Variants in ARHGEF3 observed in about 807,000 individuals in gnomAD.
ARHGEF3 encodes 59.8 kDA protein.
In ARHGEF3, 28 loss-of-function variants were observed where a neutral mutation model predicts 63.2. That is an observed-to-expected ratio of 0.44 (90% CI 0.33 to 0.61). The LOEUF (loss-of-function observed/expected upper bound fraction) is 0.61. Ranked by LOEUF, ARHGEF3 falls within the 20% of genes least tolerant of loss-of-function variation. The probability of loss-of-function intolerance (pLI) is 0.03; values close to 1 mark genes in which losing one functional copy is unlikely to be tolerated. For synonymous variants in ARHGEF3, 266 were observed against 254.2 expected (o/e 1.05, Z -0.44); for missense variants, 533 against 659.3 (o/e 0.81, Z 2.10).
At chr3:56,739,319 G>A (rs1402604201) in intron 7 of ARHGEF3, among the ~76,000 whole-genome samples, 8 of 151,680 alleles carry the variant, frequency 5.3e-5, no homozygotes, top group Non-Finnish European at 8.8e-5. Context: ...GAGCCTTTGC[G>A]CAGTCAGAAG....
chr3:56,993,550 T>A (rs2106964282), intron 2 of ARHGEF3, among the ~76,000 whole-genome samples: 2 of 151,838 alleles, frequency 1.3e-5, no homozygotes, highest in Middle Eastern at 3.4e-3. Flanking sequence ...AATTTTTAAA[T>A]TTTTTGTAGA....
chr3:56,787,994 G>A (rs1041747731), intron 1 of ARHGEF3, among the ~76,000 whole-genome samples: 12 of 152,124 alleles, frequency 7.9e-5, no homozygotes, highest in Non-Finnish European at 1.6e-4. Flanking sequence ...ACCCTGAAAC[G>A]AATAGGCTGT....
chr3:56,995,223 T>C (rs1448748280), intron 2 of ARHGEF3, among the ~76,000 whole-genome samples: 3 of 152,122 alleles, frequency 2.0e-5, no homozygotes, highest in Non-Finnish European at 2.9e-5. Context: ...TCAAGGATCA[T>C]AATTTTCCTC....
chr3:56,854,478 C>T (rs1330313974), intron 4 of ARHGEF3, among the ~76,000 whole-genome samples: 1 of 152,126 alleles, frequency 6.6e-6, no homozygotes, highest in African/African-American at 2.4e-5. Context: ...GGGAACCCAA[C>T]TTGTGTTTTA....
chr3:56,775,181 A>C, intron 1 of ARHGEF3: 1 of 1,502,356 alleles, frequency 6.7e-7, no homozygotes, highest in Non-Finnish European at 8.9e-7. Flanking sequence ...TCGAGGGTTA[A>C]GGCAGAACTT....
intron 3 of ARHGEF3, among the ~76,000 whole-genome samples, chr3:56,882,508 C>CTTTTT (rs397989726): frequency 4.7e-5 from 4 of 84,334 alleles, no homozygotes; most frequent in Non-Finnish European, 6.6e-5. Flanking sequence ...ATGAACACTT[C>CTTTTT]TTTTTTTTTT....
chr3:56,854,429 A>T (rs1353668359), intron 4 of ARHGEF3, among the ~76,000 whole-genome samples: 1 of 152,152 alleles, frequency 6.6e-6, no homozygotes, highest in East Asian at 1.9e-4. Flanking sequence ...TCTCTGAAGG[A>T]AACAGGGAGA....
intron 2 of ARHGEF3, among the ~76,000 whole-genome samples, chr3:57,009,227 C>T (rs1461569972): frequency 1.3e-5 from 2 of 152,168 alleles, no homozygotes; most frequent in Non-Finnish European, 1.5e-5. Flanking sequence ...CAGCTGAACG[C>T]TCAAGAATGA....
chr3:56,861,747 T>C (rs1037296397), intron 4 of ARHGEF3, among the ~76,000 whole-genome samples: 3 of 152,086 alleles, frequency 2.0e-5, no homozygotes, highest in Non-Finnish European at 2.9e-5. Context: ...AGTCTGCCAC[T>C]GCCAAATCCC....
intron 3 of ARHGEF3, among the ~76,000 whole-genome samples, chr3:56,913,107 C>A (rs998644242): frequency 1.3e-5 from 2 of 151,566 alleles, no homozygotes; most frequent in East Asian, 3.9e-4. Flanking sequence ...CCACTGCACT[C>A]GAGCCTGGGC....
intron 2 of ARHGEF3, among the ~76,000 whole-genome samples, chr3:56,981,858 G>C (rs1701339749): frequency 6.6e-6 from 1 of 152,152 alleles, no homozygotes; most frequent in Non-Finnish European, 1.5e-5. Context: ...CCAGCATTTA[G>C]TCCCCATTCT....
intron 6 of ARHGEF3, among the ~76,000 whole-genome samples, chr3:56,747,064 CAG>C (rs5849167): frequency 0.24 from 36,115 of 147,654 alleles, 4,932 homozygotes; most frequent in East Asian, 0.41. Context: ...CACACACACA[CAG>C]AGAGAGAGAG....
chr3:57,052,129 C>T lies in ARHGEF3; in HGVS notation c.-27-16953G>A, dbSNP rs143372963. ...TATGCTCGTGTTGTCCAGATTTATC[C>T]CTAATTTATTCTTGATCACCCAATA... On this transcript the variant is annotated intron_variant, in intron 1 of 12. Coordinates refer to the ARHGEF3 transcript ENST00000338458. 2.1e-3 allele frequency among the ~76,000 whole-genome samples: 327 copies of T among 152,212 alleles called. 3 individuals are homozygous for T. Among genetic ancestry groups the T allele is most frequent in the Middle Eastern group, 0.01 (3 of 294 alleles).
chr3:56,763,876 A>ATTTTTAT (rs1370364186), intron 2 of ARHGEF3, among the ~76,000 whole-genome samples: 1 of 152,042 alleles, frequency 6.6e-6, no homozygotes, highest in Non-Finnish European at 1.5e-5. Context: ...CACCTGGCTG[A>ATTTTTAT]TTTTTATTTT....
chr3:56,872,632 C>T (rs974985002), intron 4 of ARHGEF3, among the ~76,000 whole-genome samples: 1 of 151,854 alleles, frequency 6.6e-6, no homozygotes. Flanking sequence ...GCCTCAGCCT[C>T]CCGAGTATCT....
chr3:57,063,912 T>C (rs901942223), intron 1 of ARHGEF3, among the ~76,000 whole-genome samples: 3 of 152,176 alleles, frequency 2.0e-5, no homozygotes, highest in Non-Finnish European at 2.9e-5. Flanking sequence ...CCATGACAGA[T>C]GAATGGTAGA....
At chr3:56,948,336 A>G (rs2106659903) in intron 3 of ARHGEF3, among the ~76,000 whole-genome samples, 1 of 152,334 alleles carries the variant, frequency 6.6e-6, no homozygotes, top group East Asian at 1.9e-4. Context: ...CAGTGAATCC[A>G]GGAGCTGGTT....
intron 1 of ARHGEF3, among the ~76,000 whole-genome samples, chr3:56,783,740 C>A (rs1414830083): frequency 2.6e-5 from 4 of 152,164 alleles, no homozygotes; most frequent in African/African-American, 7.2e-5. Context: ...GTATTTCTGG[C>A]TAAGGTTTCA....
chr3:57,062,419 C>G (rs1028138855), intron 1 of ARHGEF3, among the ~76,000 whole-genome samples: 4 of 152,222 alleles, frequency 2.6e-5, no homozygotes, highest in Non-Finnish European at 4.4e-5. Flanking sequence ...CCACAGCCCC[C>G]ACTCGGGCTC....
Sources: allele counts gnomAD v4.1 joint callset (sites outside exome capture counted in the v4.1 genomes callset), GRCh38; gene constraint gnomAD v4.1.1; transcripts MANE v1.5; gene names NCBI Gene and HGNC (gene_info 2026-07-23, HGNC 2026-07-21).